EMP2: variants seen among roughly 807,000 people sequenced by gnomAD.
The protein encoded by EMP2 is epithelial membrane protein 2.
In EMP2, 19 loss-of-function variants were observed where a neutral mutation model predicts 13.7. That is an observed-to-expected ratio of 1.38 (90% CI 0.97 to 2.03). The LOEUF (loss-of-function observed/expected upper bound fraction) is 2.03. EMP2 is among the 30% of genes most tolerant of loss of function. The pLI is 0.00. For missense variants in EMP2, 253 were observed against 220.7 expected, an observed-to-expected ratio of 1.15 and a Z score of -0.93; for synonymous variants, 97 against 84.7, an observed-to-expected ratio of 1.15 and a Z score of -0.80.
At chr16:10,544,562 G>A (rs1361352315) in intron 2 of EMP2, 2 of 152,336 alleles carry the variant, frequency 1.3e-5, no homozygotes, top group African/African-American at 2.4e-5. Context: ...GGCCCTCAGA[G>A]AGTATGGGAG....
chr16:10,562,442 C>A (rs2050879454), intron 1 of EMP2, among the ~76,000 whole-genome samples: 1 of 151,642 alleles, frequency 6.6e-6, no homozygotes, highest in Non-Finnish European at 1.5e-5. Flanking sequence ...CAAGCCCAGG[C>A]TGGCTTGCTG....
chr16:10,562,106 A>C (rs1025511281), intron 1 of EMP2, among the ~76,000 whole-genome samples: 13 of 152,232 alleles, frequency 8.5e-5, no homozygotes, highest in Admixed American at 8.5e-4. Flanking sequence ...AACCAGACAA[A>C]GACATTACAC....
At chr16:10,555,925 T>A (rs1383650966) in intron 1 of EMP2, among the ~76,000 whole-genome samples, 1 of 152,190 alleles carries the variant, frequency 6.6e-6, no homozygotes. Flanking sequence ...GTTTCTACTC[T>A]TCTTCCCTTC....
chr16:10,568,783 T>TTC (rs1302260780), intron 1 of EMP2, among the ~76,000 whole-genome samples: 518 of 133,364 alleles, frequency 3.9e-3, no homozygotes, highest in African/African-American at 0.014. Context: ...GGATTTTCTT[T>TTC]TTTTTTTTTT....
At chr16:10,547,810 A>G (rs1461135689) in intron 1 of EMP2, 133 bp from the exon 2 acceptor site, 1 of 571,652 alleles carries the variant, frequency 1.7e-6, no homozygotes, top group Non-Finnish European at 3.1e-6. Context: ...AGGTGGGAAG[A>G]TCACTTGAGC....
intron 3 of EMP2, 86 bp from the exon 4 acceptor site, chr16:10,538,160 T>C (rs2050665544): frequency 3.9e-6 from 6 of 1,528,968 alleles, no homozygotes; most frequent in Middle Eastern, 2.4e-4. Context: ...AGCTCCAGAG[T>C]AGGTGTGACA....
intron 1 of EMP2, among the ~76,000 whole-genome samples, chr16:10,562,867 C>T (rs2050882425): frequency 6.6e-6 from 1 of 152,176 alleles, no homozygotes; most frequent in Non-Finnish European, 1.5e-5. Flanking sequence ...ATGACTGCTG[C>T]CTGACCCTGT....
At chr16:10,535,910 C>T (rs2050643506) in intron 4 of EMP2, among the ~76,000 whole-genome samples, 1 of 152,194 alleles carries the variant, frequency 6.6e-6, no homozygotes, top group South Asian at 2.1e-4. Context: ...CTCTCCAACG[C>T]TTGGCTCAGG....
At chr16:10,558,034 T>G (rs2050844362) in intron 1 of EMP2, among the ~76,000 whole-genome samples, 1 of 150,832 alleles carries the variant, frequency 6.6e-6, no homozygotes, top group Non-Finnish European at 1.5e-5. Context: ...GTTTCAAGTT[T>G]TTTTTTTTTT....
chr16:10,576,430 A>G (rs1308362421), intron 1 of EMP2: 1 of 152,086 alleles, frequency 6.6e-6, no homozygotes, highest in Non-Finnish European at 1.5e-5. Flanking sequence ...TGCTATTGGG[A>G]AAAACTTGCT....
chr16:10,540,756 A>T (rs1466343059), intron 3 of EMP2, among the ~76,000 whole-genome samples: 1 of 152,080 alleles, frequency 6.6e-6, no homozygotes, highest in Non-Finnish European at 1.5e-5. Flanking sequence ...CCCTTCTTTT[A>T]TGGCAAGTGA....
In EMP2 at chr16:10,564,490, C is replaced by CAA. The variant is rs34683301; in HGVS notation, c.-61+16057_-61+16058dup. ...TCAGCGACAGAGTGAGACTCTGTCT[C>CAA]AAAAAAAAAAAAAAAAAAAAAGGTA... is the stretch of plus-strand genomic sequence containing the variant. On this transcript the variant is annotated intron_variant, in intron 1 of 4. Transcript: ENST00000359543. Among the ~76,000 whole-genome samples the CAA allele has an allele frequency of 6.9e-3, 485 of 70,576 alleles. 6 individuals are homozygous for CAA. Among genetic ancestry groups the CAA allele is most frequent in the African/African-American group, 0.013 (272 of 21,588 alleles). The allele number at this position is 70,576 out of a possible 152,430, so 46.3% of individuals were successfully genotyped here.
intron 1 of EMP2, among the ~76,000 whole-genome samples, chr16:10,579,708 G>GCACACA (rs71133370): frequency 0.047 from 6,876 of 146,672 alleles, 199 homozygotes; most frequent in African/African-American, 0.07. Flanking sequence ...AGATCAAGGT[G>GCACACA]CACACACACA....
At chr16:10,568,142 G>GCACAC (rs759738255) in intron 1 of EMP2, among the ~76,000 whole-genome samples, 1 of 152,124 alleles carries the variant, frequency 6.6e-6, no homozygotes, top group Non-Finnish European at 1.5e-5. Context: ...AAGTAGAAGG[G>GCACAC]CACACCATTG....
At chr16:10,535,575 T>C (rs1028417175) in intron 4 of EMP2, among the ~76,000 whole-genome samples, 2 of 152,086 alleles carry the variant, frequency 1.3e-5, no homozygotes, top group Non-Finnish European at 2.9e-5. Flanking sequence ...CCAGGCATAA[T>C]GGCACATGTC....
chr16:10,578,473 G>A (rs534550447), intron 1 of EMP2, among the ~76,000 whole-genome samples: 16 of 152,148 alleles, frequency 1.1e-4, no homozygotes, highest in East Asian at 9.6e-4. Context: ...ACAATAAAAC[G>A]CCACCAAGCC....
intron 1 of EMP2, among the ~76,000 whole-genome samples, chr16:10,572,457 A>T (rs1398228513): frequency 6.6e-6 from 1 of 151,980 alleles, no homozygotes; most frequent in Admixed American, 6.5e-5. Flanking sequence ...AAAAAAAAAA[A>T]AGATTTAGGT....
rs557209247 is a variant in EMP2, at chr16:10,539,400, C to T, written c.170-1326G>A. On this transcript the variant is annotated intron_variant, in intron 3 of 4. Transcript: ENST00000359543. ...GTTGCTTGGAGAGCATCTAGCCTTT[C>T]CCCCAATTCCTTATGGGGAGCGAAA... 2.2e-3 allele frequency among the ~76,000 whole-genome samples: 336 copies of T among 152,252 alleles called. 3 individuals carry two copies. Among genetic ancestry groups the T allele is most frequent in the Non-Finnish European group, 3.9e-3 (266 of 68,018 alleles).
chr16:10,550,962 G>C (rs2142187314), intron 1 of EMP2, among the ~76,000 whole-genome samples: 1 of 129,164 alleles, frequency 7.7e-6, no homozygotes, highest in Non-Finnish European at 1.6e-5. Flanking sequence ...GTGACAGAGA[G>C]AGATTCCATC....
Sources: allele counts gnomAD v4.1 joint callset (sites outside exome capture counted in the v4.1 genomes callset), GRCh38; gene constraint gnomAD v4.1.1; transcripts MANE v1.5; gene names NCBI Gene and HGNC (gene_info 2026-07-23, HGNC 2026-07-21).